CDH12: variants seen among roughly 807,000 people sequenced by gnomAD.
The protein encoded by CDH12 is cadherin-12.
Under a neutral mutation model 74.1 loss-of-function variants are expected in CDH12, and 41 were observed. The observed-to-expected ratio is 0.55, with a 90% confidence interval of 0.43 to 0.72. CDH12 has a LOEUF of 0.72. Ranked by LOEUF, CDH12 falls within the 30% of genes least tolerant of loss-of-function variation. CDH12 has a pLI of 0.00. For synonymous variants in CDH12, 399 were observed against 355.0 expected (o/e 1.12, Z -1.39); for missense variants, 945 against 977.2 (o/e 0.97, Z 0.44).
At chr5:21,810,463 G>C (rs1194890700) in intron 9 of CDH12, among the ~76,000 whole-genome samples, 1 of 152,064 alleles carries the variant, frequency 6.6e-6, no homozygotes, top group East Asian at 1.9e-4. Flanking sequence ...AGCGGTGTTA[G>C]AAAAATCACA....
chr5:21,892,504 T>C (rs147040324), intron 6 of CDH12, among the ~76,000 whole-genome samples: 295 of 152,260 alleles, frequency 1.9e-3, no homozygotes, highest in Middle Eastern at 3.4e-3. Context: ...CAGAGATTAA[T>C]TTGGATTGTA....
At chr5:22,781,534 C>A (rs1329204116) in intron 1 of CDH12, among the ~76,000 whole-genome samples, 1 of 152,162 alleles carries the variant, frequency 6.6e-6, no homozygotes, top group South Asian at 2.1e-4. Flanking sequence ...TCCCCTTGCA[C>A]TGACCTATCT....
chr5:22,195,556 T>C (rs1327986361), intron 4 of CDH12, among the ~76,000 whole-genome samples: 1 of 152,222 alleles, frequency 6.6e-6, no homozygotes. Flanking sequence ...AATTATTATT[T>C]TTCCTTTGAA....
chr5:22,175,769 C>T (rs868671187), intron 4 of CDH12, among the ~76,000 whole-genome samples: 1 of 152,022 alleles, frequency 6.6e-6, no homozygotes, highest in Non-Finnish European at 1.5e-5. Flanking sequence ...CTAGATATCC[C>T]TGATGGCTCA....
intron 2 of CDH12, among the ~76,000 whole-genome samples, chr5:22,485,823 C>T (rs2126631933): frequency 6.6e-6 from 1 of 152,240 alleles, no homozygotes; most frequent in South Asian, 2.1e-4. Context: ...GACACAAATG[C>T]CTACCTTTCC....
Position 21,762,484 on chromosome 5 carries a change from A to G in CDH12, c.1516-1809T>C, listed in dbSNP as rs566382593. ...AGGGGCAGAATGGCAGGGCTCAAAA[A>G]CAGAACATATATACATTTCTCATAT... On this transcript the variant is annotated intron_variant, in intron 12 of 14. Coordinates refer to ENST00000382254, the MANE Select transcript of CDH12 (RefSeq NM_004061.5). Among the ~76,000 whole-genome samples the G allele has an allele frequency of 2.6e-5, 4 of 152,268 alleles. No individual in the cohort carries two copies. The South Asian group carries it at 8.3e-4, about 32-fold the overall frequency.
chr5:22,621,800 T>C (rs1198375673), intron 1 of CDH12, among the ~76,000 whole-genome samples: 1 of 152,074 alleles, frequency 6.6e-6, no homozygotes, highest in Non-Finnish European at 1.5e-5. Context: ...ATATTAATTA[T>C]AAATTGTGAA....
rs185445135 is a variant in CDH12, at chr5:22,067,253, T to C, written c.231+11193A>G. Among the ~76,000 whole-genome samples, 90 of 152,308 alleles carry C rather than the reference T, an allele frequency of 5.9e-4. 1 individual carries two copies. The highest frequency in any genetic ancestry group is 5.3e-3 in the Admixed American group (81 of 15,286). ...GTAAAACATTTATTTACAAAGGGTATGGGATATAAATCTGACAAAAATGTA... is the reference window on the plus strand; with the variant it reads ...GTAAAACATTTATTTACAAAGGGTACGGGATATAAATCTGACAAAAATGTA... On this transcript the variant is annotated intron_variant, in intron 5 of 14. Coordinates refer to ENST00000382254, the MANE Select transcript of CDH12 (RefSeq NM_004061.5).
At chr5:21,931,816 C>T (rs187866728) in intron 6 of CDH12, among the ~76,000 whole-genome samples, 3 of 152,144 alleles carry the variant, frequency 2.0e-5, no homozygotes, top group South Asian at 2.1e-4. Flanking sequence ...TAAGAAGAGA[C>T]AAATTGATTG....
chr5:22,589,496 T>A (rs145374092), intron 1 of CDH12, among the ~76,000 whole-genome samples: 398 of 152,358 alleles, frequency 2.6e-3, no homozygotes, highest in African/African-American at 7.7e-3. Context: ...TTGTTGAGAA[T>A]TATGTCCATG....
intron 3 of CDH12, among the ~76,000 whole-genome samples, chr5:22,385,852 G>C (rs1464767901): frequency 6.6e-6 from 1 of 151,360 alleles, no homozygotes; most frequent in Non-Finnish European, 1.5e-5. Flanking sequence ...GCCAGAGCAG[G>C]AGAAAGGGAG....
At chr5:22,399,072 C>T (rs1429340553) in intron 3 of CDH12, among the ~76,000 whole-genome samples, 1 of 151,968 alleles carries the variant, frequency 6.6e-6, no homozygotes, top group Non-Finnish European at 1.5e-5. Context: ...TCTGGTGTTT[C>T]TGCTAGTGTA....
intron 1 of CDH12, among the ~76,000 whole-genome samples, chr5:22,762,149 ATG>A (rs2127057468): frequency 6.6e-6 from 1 of 152,236 alleles, no homozygotes; most frequent in Admixed American, 6.5e-5. Context: ...CAGTTACGAA[ATG>A]TATGTAATGT....
intron 5 of CDH12, among the ~76,000 whole-genome samples, chr5:21,991,968 C>A (rs1211269519): frequency 6.6e-6 from 1 of 151,716 alleles, no homozygotes; most frequent in Non-Finnish European, 1.5e-5. Flanking sequence ...TTATTTTCTG[C>A]CCCATAGTGT....
intron 2 of CDH12, among the ~76,000 whole-genome samples, chr5:22,408,513 A>G (rs773250916): frequency 6.6e-6 from 1 of 151,680 alleles, no homozygotes; most frequent in Non-Finnish European, 1.5e-5. Flanking sequence ...GGAAACTTCA[A>G]CTCACTGCCA....
At chr5:22,031,528 T>G (rs1738825752) in intron 5 of CDH12, among the ~76,000 whole-genome samples, 1 of 152,168 alleles carries the variant, frequency 6.6e-6, no homozygotes, top group Non-Finnish European at 1.5e-5. Context: ...CTGACTATTC[T>G]GCACAAGAAG....
chr5:22,689,596 T>C (rs1741977757), intron 1 of CDH12, among the ~76,000 whole-genome samples: 1 of 144,380 alleles, frequency 6.9e-6, no homozygotes, highest in Non-Finnish European at 1.5e-5. Context: ...TCCTATATAT[T>C]GCAAGAACTT....
intron 11 of CDH12, 121 bp downstream of exon 11, chr5:21,783,237 T>C (rs577967078): frequency 1.2e-6 from 1 of 806,296 alleles, no homozygotes; most frequent in East Asian, 2.5e-5. Flanking sequence ...TTTCTGAGTT[T>C]CCCCGCGAGA....
At chr5:22,566,862 A>G (rs1035535877) in intron 1 of CDH12, among the ~76,000 whole-genome samples, 2 of 152,148 alleles carry the variant, frequency 1.3e-5, no homozygotes. Flanking sequence ...ATACTTGACA[A>G]GTGACATTCA....
Sources: gnomAD v4.1 joint callset for allele counts (sites outside exome capture counted in the v4.1 genomes callset) on GRCh38, gnomAD v4.1.1 for gene constraint, MANE v1.5 for transcripts, NCBI Gene and HGNC (gene_info 2026-07-23, HGNC 2026-07-21) for gene names.